The following KCNN2 variants were observed in gnomAD, a reference collection of about 807,000 sequenced individuals.
KCNN2 encodes the protein potassium calcium-activated channel subfamily N member 2.
Under a neutral mutation model 55.5 loss-of-function variants are expected in KCNN2, and 24 were observed. The ratio of observed to expected loss-of-function variants is 0.43; its 90% CI spans 0.31 to 0.61. The LOEUF (loss-of-function observed/expected upper bound fraction) is 0.61, where lower values mean the gene tolerates loss of function less well. Among genes scored for constraint, KCNN2 ranks in the 20% least tolerant of loss-of-function variants. KCNN2 has a pLI of 0.08. For synonymous variants in KCNN2, 431 were observed against 336.1 expected (o/e 1.28, Z -3.09); for missense variants, 754 against 853.6 (o/e 0.88, Z 1.45).
At chr5:114,160,480 G>C (rs1357737704) in intron 1 of KCNN2, among the ~76,000 whole-genome samples, 1 of 152,176 alleles carries the variant, frequency 6.6e-6, no homozygotes, top group Admixed American at 6.5e-5. Flanking sequence ...TGTATATTCT[G>C]TTGATTTGGG....
chr5:114,090,866 C>T (rs1024360486), intron 1 of KCNN2, among the ~76,000 whole-genome samples: 7 of 151,824 alleles, frequency 4.6e-5, no homozygotes, highest in Admixed American at 2.6e-4. Flanking sequence ...TTTTTAAAAT[C>T]GAGACAGGGT....
intron 1 of KCNN2, among the ~76,000 whole-genome samples, chr5:114,137,005 A>G (rs746485718): frequency 1.3e-5 from 2 of 152,170 alleles, no homozygotes; most frequent in African/African-American, 4.8e-5. Context: ...TTTAACCACC[A>G]TATTGCCTTC....
intron 1 of KCNN2, among the ~76,000 whole-genome samples, chr5:114,150,268 C>A (rs986234292): frequency 2.6e-5 from 4 of 152,120 alleles, no homozygotes; most frequent in Non-Finnish European, 4.4e-5. Context: ...CTACAGTAAC[C>A]AAAACAACAT....
intron 2 of KCNN2, among the ~76,000 whole-genome samples, chr5:114,308,131 A>G (rs2125143): frequency 1.4e-4 from 22 of 152,046 alleles, no homozygotes; most frequent in East Asian, 1.4e-3. Flanking sequence ...GCTCATGTCA[A>G]TTTATCACAG....
intron 1 of KCNN2, among the ~76,000 whole-genome samples, chr5:114,114,119 A>C (rs750738020): frequency 6.6e-6 from 1 of 152,080 alleles, no homozygotes; most frequent in Non-Finnish European, 1.5e-5. Context: ...TTTTCTATTA[A>C]TCACTTAGAT....
chr5:114,312,177 G>C (rs961735015), intron 2 of KCNN2, among the ~76,000 whole-genome samples: 3 of 151,832 alleles, frequency 2.0e-5, no homozygotes, highest in African/African-American at 4.8e-5. Flanking sequence ...CAAGAGGGGT[G>C]CTGCCCCAGC....
chr5:114,265,817 G>C (rs745312239), intron 2 of KCNN2, among the ~76,000 whole-genome samples: 14 of 152,134 alleles, frequency 9.2e-5, no homozygotes, highest in Non-Finnish European at 1.9e-4. Flanking sequence ...TTCTTAGGCA[G>C]GGAACACTGG....
intron 2 of KCNN2, among the ~76,000 whole-genome samples, chr5:114,394,117 G>C (rs1448424262): frequency 6.6e-6 from 1 of 152,112 alleles, no homozygotes; most frequent in African/African-American, 2.4e-5. Context: ...TTACACTTCT[G>C]CCTGAGATAT....
At chr5:114,400,943 C>T (rs1758767156) in intron 2 of KCNN2, among the ~76,000 whole-genome samples, 1 of 150,182 alleles carries the variant, frequency 6.7e-6, no homozygotes, top group Admixed American at 6.7e-5. Context: ...TTACTTTATT[C>T]GATTTCTTTA....
At chr5:114,396,142 C>A (rs193079391) in intron 2 of KCNN2, among the ~76,000 whole-genome samples, 7 of 143,058 alleles carry the variant, frequency 4.9e-5, no homozygotes, top group Admixed American at 2.9e-4. Context: ...AACACAATAG[C>A]CATGTTTGCA....
rs375947325 is a variant in KCNN2 at position 114,291,639 on chromosome 5, T to C, written c.-184-69306T>C. 2.5e-4 allele frequency among the ~76,000 whole-genome samples: 38 copies of C among 152,340 alleles called. No individual in the cohort carries two copies. The East Asian group carries it at 6.4e-3, about 26-fold the overall frequency. On this transcript the variant is annotated intron_variant, in intron 2 of 10. Coordinates refer to the KCNN2 transcript ENST00000512097. ...AGTCTTTTGCTATTGTGAATAGTGC[T>C]GCAATAAACATACATGTGCATGTGT...
At chr5:114,234,125 A>G (rs890490434) in intron 2 of KCNN2, among the ~76,000 whole-genome samples, 2 of 151,780 alleles carry the variant, frequency 1.3e-5, no homozygotes, top group Admixed American at 6.6e-5. Flanking sequence ...TAGCAACCAT[A>G]TTGTTTGAAC....
At chr5:114,228,310 G>A (rs1350917922) in intron 2 of KCNN2, among the ~76,000 whole-genome samples, 1 of 151,998 alleles carries the variant, frequency 6.6e-6, no homozygotes, top group East Asian at 1.9e-4. Context: ...GTAAACAATA[G>A]ATTTATGTAA....
At chr5:114,319,860 T>C (rs1756579314) in intron 2 of KCNN2, among the ~76,000 whole-genome samples, 1 of 152,234 alleles carries the variant, frequency 6.6e-6, no homozygotes, top group Non-Finnish European at 1.5e-5. Context: ...TATGTGCTAA[T>C]TGTGACTCAT....
intron 2 of KCNN2, among the ~76,000 whole-genome samples, chr5:114,352,318 T>C (rs1450599752): frequency 1.3e-5 from 2 of 151,124 alleles, no homozygotes; most frequent in Non-Finnish European, 3.0e-5. Context: ...TTTCTCTTTC[T>C]TTTTTTTTCC....
At chr5:114,241,063 A>G (rs1163481631) in intron 2 of KCNN2, among the ~76,000 whole-genome samples, 1 of 152,038 alleles carries the variant, frequency 6.6e-6, no homozygotes, top group East Asian at 1.9e-4. Flanking sequence ...ATATGTGTCT[A>G]TATGTATCCT....
At chr5:114,481,396 A>G (rs1434960458) in intron 5 of KCNN2, among the ~76,000 whole-genome samples, 1 of 152,104 alleles carries the variant, frequency 6.6e-6, no homozygotes, top group Non-Finnish European at 1.5e-5. Flanking sequence ...ATAAGAATCA[A>G]TATCATGAAA....
chr5:114,316,099 T>C (rs764099119), intron 2 of KCNN2, among the ~76,000 whole-genome samples: 8 of 152,150 alleles, frequency 5.3e-5, no homozygotes, highest in Admixed American at 2.0e-4. Context: ...CACACGCATA[T>C]AGTGTGTGTG....
chr5:114,241,708 ATATATATATATACG>A (rs1754625372), intron 2 of KCNN2, among the ~76,000 whole-genome samples: 2 of 123,218 alleles, frequency 1.6e-5, no homozygotes, highest in African/African-American at 6.6e-5. Flanking sequence ...ATATGTGGAT[ATATATATATATACG>A]TATATATATA....
Sources: allele counts gnomAD v4.1 joint callset (sites outside exome capture counted in the v4.1 genomes callset), GRCh38; gene constraint gnomAD v4.1.1; transcripts MANE v1.5; gene names NCBI Gene and HGNC (gene_info 2026-07-23, HGNC 2026-07-21).